UBE2D2: variants seen among roughly 807,000 people sequenced by gnomAD.
UBE2D2 encodes ubiquitin-conjugating enzyme E2 D2.
Under a neutral mutation model 24.2 loss-of-function variants are expected in UBE2D2, and 2 were observed. The ratio of observed to expected loss-of-function variants is 0.08; its 90% CI spans 0.03 to 0.26. UBE2D2 has a LOEUF of 0.26. Among genes scored for constraint, UBE2D2 ranks in the 10% least tolerant of loss-of-function variants. UBE2D2 has a pLI of 1.00. For missense variants in UBE2D2, 44 were observed against 177.6 expected, an observed-to-expected ratio of 0.25 and a Z score of 4.28; for synonymous variants, 58 against 56.5, an observed-to-expected ratio of 1.03 and a Z score of -0.12.
intron 1 of UBE2D2, among the ~76,000 whole-genome samples, chr5:139,563,906 G>A (rs1753163052): frequency 6.6e-6 from 1 of 152,078 alleles, no homozygotes; most frequent in African/African-American, 2.4e-5. Context: ...CTGCACTCCA[G>A]CCTGGGCCAC....
chr5:139,563,063 A>G (rs753329486), intron 1 of UBE2D2, among the ~76,000 whole-genome samples: 2 of 152,114 alleles, frequency 1.3e-5, no homozygotes, highest in Non-Finnish European at 2.9e-5. Flanking sequence ...ACAGGCATCA[A>G]TCAGCCACTG....
chr5:139,603,176 A>G (rs2126688787), intron 2 of UBE2D2, among the ~76,000 whole-genome samples: 2 of 152,278 alleles, frequency 1.3e-5, no homozygotes, highest in East Asian at 3.9e-4. Context: ...AATTCCTCCA[A>G]GTTAAGAATG....
At chr5:139,541,258 A>G (rs1263944994) in intron 1 of UBE2D2, among the ~76,000 whole-genome samples, 3 of 151,062 alleles carry the variant, frequency 2.0e-5, no homozygotes, top group African/African-American at 7.3e-5. Context: ...AGATCTGGCC[A>G]TTGTACTCCA....
chr5:139,552,940 C>T (rs1201263783), intron 1 of UBE2D2, among the ~76,000 whole-genome samples: 1 of 152,108 alleles, frequency 6.6e-6, no homozygotes, highest in Non-Finnish European at 1.5e-5. Context: ...CCTTGGCCTC[C>T]CAAAGTGCTG....
chr5:139,589,093 C>T (rs1236871328), intron 1 of UBE2D2, among the ~76,000 whole-genome samples: 1 of 152,086 alleles, frequency 6.6e-6, no homozygotes, highest in Non-Finnish European at 1.5e-5. Context: ...AGTCAGCCTC[C>T]CTTGCTTTAA....
chr5:139,583,551 CA>C (rs754922353), intron 1 of UBE2D2, among the ~76,000 whole-genome samples: 153 of 152,186 alleles, frequency 1.0e-3, no homozygotes, highest in Non-Finnish European at 1.9e-3. Flanking sequence ...CACCTGAGGA[CA>C]GGAGTTCGAG....
At chr5:139,564,260 T>A (rs2126648666) in intron 1 of UBE2D2, among the ~76,000 whole-genome samples, 1 of 152,074 alleles carries the variant, frequency 6.6e-6, no homozygotes, top group South Asian at 2.1e-4. Flanking sequence ...TTCAAGTGAT[T>A]TTTCTGCTTC....
At chr5:139,618,391 C>T (rs1275416106) in intron 5 of UBE2D2, among the ~76,000 whole-genome samples, 1 of 152,164 alleles carries the variant, frequency 6.6e-6, no homozygotes, top group African/African-American at 2.4e-5. Context: ...GTTATTACAA[C>T]TTTAATGAAA....
At chr5:139,618,370 A>T (rs1197540889) in intron 5 of UBE2D2, among the ~76,000 whole-genome samples, 1 of 152,148 alleles carries the variant, frequency 6.6e-6, no homozygotes, top group Non-Finnish European at 1.5e-5. Context: ...AGAGAACCAC[A>T]TTTTTTTAAA....
At chr5:139,528,162 C>A (rs963352974) in intron 1 of UBE2D2, among the ~76,000 whole-genome samples, 8 of 152,204 alleles carry the variant, frequency 5.3e-5, no homozygotes, top group African/African-American at 1.7e-4. Context: ...TGAAGGGATG[C>A]AGTGAGCTTA....
chr5:139,575,709 C>T (rs769690178), intron 1 of UBE2D2, among the ~76,000 whole-genome samples: 1 of 152,176 alleles, frequency 6.6e-6, no homozygotes, highest in Non-Finnish European at 1.5e-5. Context: ...TTGCTAAATT[C>T]TTAAGGGCTT....
At chr5:139,603,546 T>C (rs988765939) in intron 2 of UBE2D2, among the ~76,000 whole-genome samples, 2 of 127,732 alleles carry the variant, frequency 1.6e-5, no homozygotes, top group African/African-American at 6.1e-5. Context: ...TCGTTGGAAC[T>C]GGGAGGCGGA....
At chr5:139,556,925 C>A (rs1187492493), upstream of UBE2D2, among the ~76,000 whole-genome samples, 1 of 151,440 alleles carries the variant, frequency 6.6e-6, no homozygotes, top group Non-Finnish European at 1.5e-5. Context: ...ACCTCTGCCT[C>A]CCGGGTTCAA....
chr5:139,559,633 G>A (rs1449055459), upstream of UBE2D2, among the ~76,000 whole-genome samples: 2 of 152,184 alleles, frequency 1.3e-5, no homozygotes, highest in African/African-American at 4.8e-5. Context: ...AGGTGAGGCA[G>A]TATGAGCTTT....
At chr5:139,536,401 T>C (rs1752682682) in intron 1 of UBE2D2, among the ~76,000 whole-genome samples, 2 of 151,844 alleles carry the variant, frequency 1.3e-5, no homozygotes, top group African/African-American at 2.4e-5. Flanking sequence ...TCTCACTCTG[T>C]AGCCCAGGCT....
At chr5:139,589,339 A>G (rs547664006) in intron 1 of UBE2D2, among the ~76,000 whole-genome samples, 5 of 152,232 alleles carry the variant, frequency 3.3e-5, no homozygotes, top group African/African-American at 1.2e-4. Flanking sequence ...TGGGCGGATC[A>G]CTTGAAGTCA....
At chr5:139,606,204 C>T (rs773568898) in intron 2 of UBE2D2, among the ~76,000 whole-genome samples, 11 of 151,994 alleles carry the variant, frequency 7.2e-5, no homozygotes, top group South Asian at 2.1e-4. Flanking sequence ...CTCTGTTGCC[C>T]GGGCTGGAGT....
chr5:139,532,893 G>A (rs1159014736), intron 1 of UBE2D2, among the ~76,000 whole-genome samples: 1 of 152,026 alleles, frequency 6.6e-6, no homozygotes, highest in Non-Finnish European at 1.5e-5. Flanking sequence ...GATCACCTGA[G>A]ATCAGGAGTT....
intron 1 of UBE2D2, among the ~76,000 whole-genome samples, chr5:139,575,890 C>T (rs759309167): frequency 3.3e-5 from 5 of 152,144 alleles, no homozygotes; most frequent in Admixed American, 2.0e-4. Flanking sequence ...TGGTGGCACA[C>T]GCCTGTAGTC....
Sources: allele counts gnomAD v4.1 joint callset (sites outside exome capture counted in the v4.1 genomes callset), GRCh38; gene constraint gnomAD v4.1.1; transcripts MANE v1.5; gene names NCBI Gene and HGNC (gene_info 2026-07-23, HGNC 2026-07-21).